KDM5A: variants seen among roughly 807,000 people sequenced by gnomAD.
KDM5A encodes lysine demethylase 5A.
A neutral mutation model predicts 193.5 loss-of-function variants in KDM5A; 42 were observed. The ratio of observed to expected loss-of-function variants is 0.22; its 90% CI spans 0.17 to 0.28. The LOEUF (loss-of-function observed/expected upper bound fraction) is 0.28, where lower values mean the gene tolerates loss of function less well. KDM5A is among the 10% of genes least tolerant of loss of function. The probability of loss-of-function intolerance (pLI) is 1.00; values close to 1 mark genes in which losing one functional copy is unlikely to be tolerated. For missense variants in KDM5A, 1,692 were observed against 2,055.1 expected (o/e 0.82, Z 3.42); for synonymous variants, 796 against 718.1 (o/e 1.11, Z -1.73).
chr12:323,028 T>C (rs1457014689), intron 16 of KDM5A, 54 bp downstream of exon 16: 1 of 1,608,878 alleles, frequency 6.2e-7, no homozygotes, highest in Non-Finnish European at 8.5e-7. Context: ...AAACAAAGCC[T>C]CTTTTAAAGT....
rs138616263 is a variant in KDM5A, at chr12:311,289, G to C, written c.3037-225C>G. On this transcript the variant is annotated intron_variant, in intron 20 of 27. Transcript: ENST00000399788. ...TCATCAATGATTTTATTTATTAATT[G>C]AGAGTACCAGTAGATATAACAACCA... is the stretch of plus-strand genomic sequence containing the variant. The C allele has an allele frequency of 9.2e-4, 502 of 543,336 alleles. 3 individuals carry two copies. Among genetic ancestry groups the C allele is most frequent in the Middle Eastern group, 8.0e-3 (16 of 1,998 alleles). The allele number at this position is 543,336 out of a possible 1,614,324, so 33.7% of individuals were successfully genotyped here. A position where few individuals can be genotyped will look rare whatever the true frequency, so the allele number is the denominator to read the frequency against.
chr12:388,022 C>T (rs977670114), intron 1 of KDM5A, among the ~76,000 whole-genome samples: 1 of 152,180 alleles, frequency 6.6e-6, no homozygotes, highest in South Asian at 2.1e-4. Flanking sequence ...AGACTAGTTG[C>T]TAGAAAAGCA....
Position 329,315 on chromosome 12 carries a change from T to C in KDM5A, c.1774-286A>G, listed in dbSNP as rs367574240. On this transcript the variant is annotated intron_variant, in intron 13 of 27. Coordinates refer to ENST00000399788, the MANE Select transcript of KDM5A (RefSeq NM_001042603.3). ...TATATCAAGAAGGAGTTCTTTGGTA[T>C]ATAACTGAGGCAGCAAACTCTTTTA... The C allele has an allele frequency of 1.2e-4, 52 of 432,064 alleles. 2 individuals carry two copies. Among genetic ancestry groups the C allele is most frequent in the South Asian group, 1.0e-3 (41 of 40,096 alleles). 26.8% of individuals were successfully genotyped at this position (432,064 alleles called of 1,614,324 possible).
rs1011387623 is a variant in KDM5A at position 334,564 on chromosome 12, T to G, written c.1309-142A>C. ...ACAATCTGTGCTCTTTGCTATCCAC[T>G]ACATGTAACTCATATAACTAAACAT... On this transcript the variant is annotated intron_variant, in intron 10 of 27. Transcript: ENST00000399788. The G allele has an allele frequency of 1.7e-5, 11 of 660,308 alleles. No individual in the cohort carries two copies. The Admixed American group carries it at 1.7e-4, about 10-fold the overall frequency. The allele number at this position is 660,308 out of a possible 1,614,324, so 40.9% of individuals were successfully genotyped here.
At chr12:331,710 T>C in intron 13 of KDM5A, 109 bp downstream of exon 13, 1 of 1,203,128 alleles carries the variant, frequency 8.3e-7, no homozygotes, top group Non-Finnish European at 1.2e-6. Flanking sequence ...TCCACTAAAA[T>C]ACTGATGAAC....
intron 26 of KDM5A, 68 bp from the exon 27 acceptor site, chr12:293,237 A>G: frequency 3.0e-6 from 4 of 1,327,030 alleles, no homozygotes; most frequent in Non-Finnish European, 4.3e-6. Flanking sequence ...ACTCTCTTAT[A>G]TGAGGTACCT....
Position 295,606 on chromosome 12 carries a change from T to C in KDM5A, c.4422A>G (p.Pro1474=), listed in dbSNP as rs1943360181. Residue 1474 remains proline (P), a synonymous_variant, in exon 26 of 28, where the codon CCA becomes CCG. Coordinates refer to ENST00000399788, the MANE Select transcript of KDM5A (RefSeq NM_001042603.3). The part of the protein sequence containing the change: ...HIWRILQATH[P]PSEDRFLHIM... ...TATGCAAGAATCTGTCTTCAGAGGG[T>C]GGGTGTGTGGCCTGCAAAATCCGCC... 4 of 1,613,826 alleles carry C rather than the reference T, an allele frequency of 2.5e-6. No homozygotes were observed. The highest frequency in any genetic ancestry group is 3.4e-6 in the Non-Finnish European group (4 of 1,179,938).
At position 309,904 on chromosome 12, in the gene KDM5A, C is replaced by T. The variant is rs776544187; in HGVS notation, c.3277G>A (p.Val1093Ile). The change falls in exon 22 of 28, where the codon GTA becomes ATA. Residue 1093 changes from valine (V) to isoleucine (I), a missense_variant. Val to Ile is a conservative substitution (Grantham distance 29). This residue lies in a region of KDM5A where 965 missense variants were observed against 1,061.0 expected (regional missense o/e 0.91). Transcript: ENST00000399788. ...TTTTCTTTTTCTATTAGTTCTTTTA[C>T]TTTTTTCCTCCTATTTTTGCCACTC... is the stretch of plus-strand genomic sequence containing the variant. Reference protein sequence around the residue: ...YGSGKNRRKKVKELIEKEKEK... With the variant: ...YGSGKNRRKKIKELIEKEKEK... 3.1e-6 allele frequency: 5 copies of T among 1,613,558 alleles called. No individual in the cohort carries two copies. Among genetic ancestry groups the T allele is most frequent in the Non-Finnish European group, 4.2e-6 (5 of 1,179,858 alleles).
chr12:345,709 T>C lies in KDM5A; in HGVS notation c.1308+4912A>G, dbSNP rs555065525. 1.4e-4 allele frequency among the ~76,000 whole-genome samples: 22 copies of C among 152,318 alleles called. No individual in the cohort carries two copies. In the East Asian group the frequency reaches 3.7e-3, roughly 25 times the overall value. On this transcript the variant is annotated intron_variant, in intron 10 of 27. Coordinates refer to ENST00000399788, the MANE Select transcript of KDM5A (RefSeq NM_001042603.3). ...TGAAGGCAGAAATAAAGATGTTCTT[T>C]GAAACAAATGAGAACAAAAACACAA...
chr12:350,873 G>C (rs1209374717), intron 9 of KDM5A, 94 bp from the exon 10 acceptor site: 5 of 1,124,316 alleles, frequency 4.4e-6, no homozygotes, highest in Non-Finnish European at 6.6e-6. Flanking sequence ...ACAAACCCAT[G>C]ATGAGATTAA....
intron 22 of KDM5A, 101 bp downstream of exon 22, chr12:309,702 T>C: frequency 1.6e-6 from 2 of 1,263,194 alleles, no homozygotes; most frequent in Non-Finnish European, 2.3e-6. Context: ...CCAAAGTATA[T>C]GAAAATAAAA....
At chr12:388,809 G>A in intron 1 of KDM5A, 118 bp downstream of exon 1, 1 of 1,262,034 alleles carries the variant, frequency 7.9e-7, no homozygotes, top group Non-Finnish European at 1.2e-6. Flanking sequence ...ACAGGCTCCA[G>A]TTGTCTCAAA....
intron 10 of KDM5A, among the ~76,000 whole-genome samples, chr12:335,394 T>A (rs139426037): frequency 6.6e-6 from 1 of 152,234 alleles, no homozygotes. Context: ...TCTAAGACAT[T>A]ATTTGTCTTT....
rs1944147685 is a variant in KDM5A, at chr12:350,793, A to T, written c.1150-14T>A. 1 of 1,612,420 alleles carries T rather than the reference A, an allele frequency of 6.2e-7. No individual in the cohort carries two copies. Among genetic ancestry groups the T allele is most frequent in the African/African-American group, 1.3e-5 (1 of 74,896 alleles). On this transcript the variant is annotated splice_polypyrimidine_tract_variant and intron_variant, in intron 9 of 27. Transcript: ENST00000399788. ...TGTGGGAACCATCTACACAGGGAAAAAAAAGATGACAAATTATTAAACCAC... is the reference window on the plus strand; with the variant it reads ...TGTGGGAACCATCTACACAGGGAAATAAAAGATGACAAATTATTAAACCAC...
Position 323,692 on chromosome 12 carries a change from A to C in KDM5A, c.2058T>G (p.Ser686=). The C allele has an allele frequency of 6.2e-7, 1 of 1,614,062 alleles. No individual in the cohort carries two copies. Among genetic ancestry groups the C allele is most frequent in the Non-Finnish European group, 8.5e-7 (1 of 1,179,874 alleles). Residue 686 remains serine (S), a synonymous_variant, in exon 15 of 28, where the codon TCT becomes TCG. Transcript: ENST00000399788. ...CAGGATTACAGGAACATGTGAGAGC[A>C]GAGAGAAAACATGTGGTTCTGCATG... ...CSACRTTCFL[S]ALTCSCNPER... is the part of the protein sequence containing the mutation.
chr12:312,053 C>A (rs1231212781), intron 20 of KDM5A, among the ~76,000 whole-genome samples: 1 of 152,100 alleles, frequency 6.6e-6, no homozygotes, highest in Non-Finnish European at 1.5e-5. Context: ...GAACTTGACA[C>A]CCAGAATACG....
chr12:290,934 G>C (rs1044066703), intron 27 of KDM5A, among the ~76,000 whole-genome samples: 2 of 152,246 alleles, frequency 1.3e-5, no homozygotes, highest in East Asian at 3.9e-4. Flanking sequence ...CTTGCTGCTA[G>C]TCTTTAAACT....
At chr12:289,239 A>G (rs1158582961) in intron 27 of KDM5A, among the ~76,000 whole-genome samples, 3 of 152,154 alleles carry the variant, frequency 2.0e-5, no homozygotes, top group African/African-American at 7.2e-5. Context: ...ATACAGAAGA[A>G]AAATACTACT....
At position 355,199 on chromosome 12, in the gene KDM5A, T is replaced by C; in HGVS notation, c.829A>G (p.Met277Val). Reference protein sequence around the residue: ...KVTNRSDAFNMQMRQRKGTLS... With the variant: ...KVTNRSDAFNVQMRQRKGTLS... The stretch of plus-strand genomic sequence containing the variant: ...GTGCCTTTCCGTTGTCTCATTTGCA[T>C]GTTAAATGCGTCTGACCTGTTGGTA... The change falls in exon 7 of 28, where the codon ATG (methionine) becomes GTG (valine). Residue 277 changes from methionine (M) to valine (V), a missense_variant. By Grantham distance (21) the Met-to-Val change is conservative (BLOSUM62 1). This residue lies in a region of KDM5A where 134 missense variants were observed against 124.2 expected (regional missense o/e 1.08). Transcript: ENST00000399788. 1 of 1,613,088 alleles carries C rather than the reference T, an allele frequency of 6.2e-7. No individual in the cohort carries two copies. The highest frequency in any genetic ancestry group is 8.5e-7 in the Non-Finnish European group (1 of 1,179,032).
Sources: allele counts gnomAD v4.1 joint callset (sites outside exome capture counted in the v4.1 genomes callset), GRCh38; gene constraint gnomAD v4.1.1; regional missense constraint gnomAD v4.1.1; transcripts MANE v1.5; gene names NCBI Gene and HGNC (gene_info 2026-07-23, HGNC 2026-07-21).